The following CCPG1 variants were observed in gnomAD, a reference collection of about 807,000 sequenced individuals.
CCPG1 encodes cell cycle progression protein 1.
CCPG1 carries 46 observed loss-of-function variants against 81.3 expected under a neutral mutation model. The ratio of observed to expected loss-of-function variants is 0.57; its 90% CI spans 0.45 to 0.72. The LOEUF (loss-of-function observed/expected upper bound fraction) is 0.72. Among genes scored for constraint, CCPG1 ranks in the 30% least tolerant of loss-of-function variants. CCPG1 has a pLI of 0.00. For missense variants in CCPG1, 902 were observed against 937.6 expected (o/e 0.96, Z 0.50); for synonymous variants, 330 against 305.2 (o/e 1.08, Z -0.85).
At chr15:55,378,275 TC>T in intron 4 of CCPG1, 24 bp downstream of exon 4, 1 of 1,387,096 alleles carries the variant, frequency 7.2e-7, no homozygotes, top group Non-Finnish European at 1.0e-6. Flanking sequence ...TTAACATATA[TC>T]CACAGTGTAA....
intron 7 of CCPG1, among the ~76,000 whole-genome samples, chr15:55,364,419 C>T (rs2071758392): frequency 6.6e-6 from 1 of 150,860 alleles, no homozygotes; most frequent in Admixed American, 6.6e-5. Flanking sequence ...AAAATGTTTG[C>T]TTCGCTCTGT....
intron 8 of CCPG1, chr15:55,357,287 C>A: frequency 3.6e-5 from 35 of 982,260 alleles, no homozygotes; most frequent in Non-Finnish European, 4.2e-5. Flanking sequence ...CTTTCTACTT[C>A]TCCTTCACAA....
chr15:55,360,414 AACAT>A lies in CCPG1; in HGVS notation c.1355_1358del (p.Tyr452LeufsTer44). 1 of 1,613,840 alleles carries A rather than the reference AACAT, an allele frequency of 6.2e-7. No individual in the cohort carries two copies. The highest frequency in any genetic ancestry group is 8.5e-7 in the Non-Finnish European group (1 of 1,180,030). ...GTTTTCCATTTTGATCTTTTGCCTC[AACAT>A]ACAATCTTTCCCACAAATCAGAACG... On this transcript the variant is annotated frameshift_variant, in exon 8 of 9. Transcript: ENST00000442196. LOFTEE classifies it high-confidence loss of function.
At chr15:55,375,720 C>T (rs564053610) in intron 5 of CCPG1, among the ~76,000 whole-genome samples, 15 of 149,240 alleles carry the variant, frequency 1.0e-4, no homozygotes, top group African/African-American at 3.7e-4. Context: ...CAGGATCCTG[C>T]TCTGTCACCC....
Position 55,365,275 on chromosome 15 carries a change from GACTA to G in CCPG1, c.737_740del (p.Leu246SerfsTer9). The G allele has an allele frequency of 2.6e-6, 4 of 1,551,450 alleles. No homozygotes were observed. Among genetic ancestry groups the G allele is most frequent in the South Asian group, 1.2e-5 (1 of 85,920 alleles). On this transcript the variant is annotated frameshift_variant, in exon 7 of 9. Transcript: ENST00000442196. LOFTEE classifies it high-confidence loss of function. ...TCAATTCATCTTCATGTATCTTTCT[GACTA>G]ACTGTTGACGCTTCTGAATCTGAAT...
At chr15:55,385,775 C>A in intron 2 of CCPG1, 61 bp from the exon 3 acceptor site, 1 of 846,898 alleles carries the variant, frequency 1.2e-6, no homozygotes. Flanking sequence ...CTAGATTTGA[C>A]TACATGTAAA....
intron 1 of CCPG1, among the ~76,000 whole-genome samples, chr15:55,403,211 T>A (rs897131744): frequency 1.3e-5 from 2 of 152,112 alleles, no homozygotes; most frequent in African/African-American, 4.8e-5. Context: ...AATACCCCCA[T>A]AAAGGCAGCT....
At chr15:55,381,371 T>A (rs1161573589) in intron 3 of CCPG1, among the ~76,000 whole-genome samples, 2 of 149,064 alleles carry the variant, frequency 1.3e-5, no homozygotes, top group Non-Finnish European at 3.0e-5. Flanking sequence ...AGGCGGAGGT[T>A]ACAGTGAGCT....
intron 1 of CCPG1, among the ~76,000 whole-genome samples, chr15:55,396,899 G>A (rs73406933): frequency 0.051 from 7,651 of 151,428 alleles, 653 homozygotes; most frequent in African/African-American, 0.18. Context: ...CAGGAGAGAG[G>A]AGGAAAAGAT....
chr15:55,379,118 G>A (rs1021336814), intron 3 of CCPG1, among the ~76,000 whole-genome samples: 1 of 149,912 alleles, frequency 6.7e-6, no homozygotes, highest in Non-Finnish European at 1.5e-5. Flanking sequence ...AATAAAAACC[G>A]TGGCTTCAAA....
intron 1 of CCPG1, among the ~76,000 whole-genome samples, chr15:55,391,381 G>A (rs140233269): frequency 0.04 from 6,040 of 152,300 alleles, 127 homozygotes; most frequent in African/African-American, 0.061. Context: ...TTCCCAAAGC[G>A]CTGGGATTAC....
chr15:55,403,543 A>G (rs1018741209), intron 1 of CCPG1, among the ~76,000 whole-genome samples: 4 of 152,266 alleles, frequency 2.6e-5, no homozygotes, highest in East Asian at 1.9e-4. Context: ...CCTTTGGGGG[A>G]AAAAATCCCT....
intron 2 of CCPG1, 123 bp from the exon 3 acceptor site, chr15:55,385,837 G>T: frequency 1.5e-6 from 1 of 657,106 alleles, no homozygotes. Flanking sequence ...CAAAGGAACA[G>T]TATCTAATTA....
intron 1 of CCPG1, among the ~76,000 whole-genome samples, chr15:55,407,611 A>C (rs545158407): frequency 1.3e-5 from 2 of 152,340 alleles, no homozygotes; most frequent in East Asian, 1.9e-4. Flanking sequence ...AAGGCACTGC[A>C]TGGGACAGCT....
Position 55,385,831 on chromosome 15 carries a change from G to C in CCPG1, c.61-117C>G. 3 of 675,708 alleles carry C rather than the reference G, an allele frequency of 4.4e-6. No individual in the cohort carries two copies. The South Asian group carries it at 4.9e-5, about 11-fold the overall frequency. The allele number at this position is 675,708 out of a possible 1,614,324, so 41.9% of individuals were successfully genotyped here. ...GTCTCAGATGCTGCCATACTCCAAA[G>C]GAACAGTATCTAATTAGACAAGCTT... On this transcript the variant is annotated intron_variant, in intron 2 of 8. Transcript: ENST00000442196.
rs373100705 is a variant in CCPG1 at position 55,371,922 on chromosome 15, G to T, written c.577C>A (p.Arg193=). The stretch of plus-strand genomic sequence containing the variant: ...TCAGTTTCTTGTTCAGCAACTAGCC[G>T]GTCTTCAGATTCTGAAGCAGAAACG... The part of the protein sequence containing the change: ...KTVSASESED[R]LVAEQETEPS... The change falls in exon 6 of 9, where the codon CGG becomes AGG. Residue 193 remains arginine, a synonymous_variant. Coordinates refer to ENST00000442196, the MANE Select transcript of CCPG1 (RefSeq NM_001204450.2). 26 of 1,614,026 alleles carry T rather than the reference G, an allele frequency of 1.6e-5. No individual in the cohort carries two copies. The highest frequency in any genetic ancestry group is 1.9e-5 in the Non-Finnish European group (22 of 1,180,024).
chr15:55,407,011 A>G (rs7183684), intron 1 of CCPG1, among the ~76,000 whole-genome samples: 142,783 of 145,306 alleles, frequency 0.98, 70,228 homozygotes, highest in East Asian at 1. Flanking sequence ...TCAGGAGTCC[A>G]AGACCAGCCT....
At chr15:55,378,191 T>C in intron 4 of CCPG1, 109 bp downstream of exon 4, 1 of 610,318 alleles carries the variant, frequency 1.6e-6, no homozygotes, top group Non-Finnish European at 2.7e-6. Flanking sequence ...AAGTCAAAAT[T>C]GCTTATAATT....
At chr15:55,381,847 A>C (rs1282556673) in intron 3 of CCPG1, among the ~76,000 whole-genome samples, 1 of 126,008 alleles carries the variant, frequency 7.9e-6, no homozygotes, top group African/African-American at 3.7e-5. Flanking sequence ...TTGGAACCAG[A>C]GTACAGGCAT....
Sources: allele counts gnomAD v4.1 joint callset (sites outside exome capture counted in the v4.1 genomes callset), GRCh38; gene constraint gnomAD v4.1.1; transcripts MANE v1.5; gene names NCBI Gene and HGNC (gene_info 2026-07-23, HGNC 2026-07-21).